Variants in MAD1L1 observed in about 807,000 individuals in gnomAD.
The protein encoded by MAD1L1 is mitotic spindle assembly checkpoint protein MAD1.
MAD1L1 carries 95 observed loss-of-function variants against 96.9 expected under a neutral mutation model. The observed-to-expected ratio is 0.98, with a 90% CI of 0.83 to 1.16. MAD1L1 has a LOEUF of 1.16. MAD1L1 is among the 50% of genes most tolerant of loss of function. The pLI is 0.00. For synonymous variants in MAD1L1, 473 were observed against 396.6 expected (o/e 1.19, Z -2.29); for missense variants, 1,007 against 954.4 (o/e 1.06, Z -0.73).
intron 18 of MAD1L1, among the ~76,000 whole-genome samples, chr7:1,854,179 A>C (rs1784123168): frequency 6.6e-6 from 1 of 151,922 alleles, no homozygotes; most frequent in African/African-American, 2.4e-5. Context: ...CAGGCTCTTT[A>C]CATTCTCTGA....
At chr7:2,060,291 C>T (rs572419301) in intron 12 of MAD1L1, among the ~76,000 whole-genome samples, 5 of 148,020 alleles carry the variant, frequency 3.4e-5, no homozygotes, top group Non-Finnish European at 7.5e-5. Context: ...ACGCCGATCC[C>T]GAGATACGCC....
intron 18 of MAD1L1, among the ~76,000 whole-genome samples, chr7:1,844,701 T>C (rs1231916854): frequency 6.6e-6 from 1 of 152,164 alleles, no homozygotes; most frequent in Non-Finnish European, 1.5e-5. Context: ...CAGGACATCC[T>C]GCTGTGGCTT....
chr7:2,229,516 T>G (rs1038683936), intron 3 of MAD1L1, among the ~76,000 whole-genome samples: 8 of 152,350 alleles, frequency 5.3e-5, no homozygotes, highest in Admixed American at 2.6e-4. Flanking sequence ...TAAATGGCCC[T>G]CCACAGTCTG....
At chr7:2,153,890 G>A (rs1249269176) in intron 10 of MAD1L1, among the ~76,000 whole-genome samples, 1 of 152,238 alleles carries the variant, frequency 6.6e-6, no homozygotes, top group Non-Finnish European at 1.5e-5. Flanking sequence ...GAGCGCGGTG[G>A]CTCACGCCTG....
At chr7:2,153,167 A>G (rs1249470632) in intron 10 of MAD1L1, among the ~76,000 whole-genome samples, 2 of 152,220 alleles carry the variant, frequency 1.3e-5, no homozygotes, top group East Asian at 3.8e-4. Context: ...ACAGGCAACA[A>G]AAACAAAAAT....
At chr7:2,137,272 C>T (rs1415231651) in intron 11 of MAD1L1, among the ~76,000 whole-genome samples, 1 of 152,188 alleles carries the variant, frequency 6.6e-6, no homozygotes, top group African/African-American at 2.4e-5. Context: ...GTGTTTTCTC[C>T]AAATGTTTGA....
intron 14 of MAD1L1, among the ~76,000 whole-genome samples, chr7:1,987,646 C>T (rs903126492): frequency 6.6e-6 from 1 of 152,226 alleles, no homozygotes; most frequent in African/African-American, 2.4e-5. Context: ...CTGCAGTGCC[C>T]TCGCCCAGCC....
chr7:2,073,778 ACC>A (rs1177960951), intron 11 of MAD1L1, among the ~76,000 whole-genome samples: 1 of 152,326 alleles, frequency 6.6e-6, no homozygotes, highest in East Asian at 1.9e-4. Flanking sequence ...TGTGAAGCAA[ACC>A]TCTCCTTCCT....
intron 16 of MAD1L1, among the ~76,000 whole-genome samples, chr7:1,954,989 G>C (rs1454760803): frequency 6.6e-6 from 1 of 152,192 alleles, no homozygotes; most frequent in African/African-American, 2.4e-5. Context: ...GCAGGGCCCA[G>C]TGACGGCCCT....
chr7:2,197,563 C>T (rs3800929), intron 10 of MAD1L1, among the ~76,000 whole-genome samples: 1 of 152,032 alleles, frequency 6.6e-6, no homozygotes, highest in Non-Finnish European at 1.5e-5. Flanking sequence ...GGCCCAAGCT[C>T]GGACACAGGC....
At chr7:1,880,031 G>A (rs538828279) in intron 18 of MAD1L1, among the ~76,000 whole-genome samples, 1 of 152,182 alleles carries the variant, frequency 6.6e-6, no homozygotes, top group East Asian at 1.9e-4. Context: ...CGCCTGGCCG[G>A]CAAACTGATT....
chr7:2,221,387 C>T (rs1793599717), intron 5 of MAD1L1, among the ~76,000 whole-genome samples: 1 of 152,184 alleles, frequency 6.6e-6, no homozygotes, highest in Admixed American at 6.5e-5. Flanking sequence ...GCCAACGTTC[C>T]CTCCAGAAGC....
intron 10 of MAD1L1, among the ~76,000 whole-genome samples, chr7:2,180,102 G>A (rs1791129761): frequency 6.6e-6 from 1 of 152,214 alleles, no homozygotes; most frequent in Admixed American, 6.5e-5. Flanking sequence ...CTGAGTGACA[G>A]CAGTGGCAAA....
intron 12 of MAD1L1, among the ~76,000 whole-genome samples, chr7:2,065,760 T>TC (rs1784850805): frequency 6.6e-6 from 1 of 151,494 alleles, no homozygotes; most frequent in African/African-American, 2.4e-5. Context: ...CGTCAACTGC[T>TC]CCCCCCAAGC....
intron 10 of MAD1L1, among the ~76,000 whole-genome samples, chr7:2,188,972 C>T (rs1261500734): frequency 2.0e-5 from 3 of 152,070 alleles, no homozygotes; most frequent in African/African-American, 7.2e-5. Flanking sequence ...AAGGGAACTC[C>T]TAAAACAACA....
chr7:2,159,845 T>C (rs990950735), intron 10 of MAD1L1, among the ~76,000 whole-genome samples: 5 of 152,194 alleles, frequency 3.3e-5, no homozygotes, highest in African/African-American at 9.7e-5. Flanking sequence ...CAGTGCTAAA[T>C]ACAGACACAA....
chr7:1,879,184 TTC>T (rs1464421566), intron 18 of MAD1L1, among the ~76,000 whole-genome samples: 2 of 152,152 alleles, frequency 1.3e-5, no homozygotes, highest in Non-Finnish European at 2.9e-5. Context: ...AGAATGTCAG[TTC>T]TTCCCGGCCG....
chr7:1,848,061 C>G lies in MAD1L1; in HGVS notation c.1999-31833G>C, dbSNP rs115516294. On this transcript the variant is annotated intron_variant, in intron 18 of 18. Transcript: ENST00000265854. The stretch of plus-strand genomic sequence containing the variant: ...AGTCCCAGCGTGGGATGTGGTGGGA[C>G]GGGGCTGGGGTGTGCAGAGACGATG... 1,014 of 333,550 alleles carry G rather than the reference C, an allele frequency of 3.0e-3. 7 individuals are homozygous for G. Among genetic ancestry groups the G allele is most frequent in the African/African-American group, 0.011 (488 of 46,446 alleles). The allele number at this position is 333,550 out of a possible 1,614,324, so 20.7% of individuals were successfully genotyped here. A position where few individuals can be genotyped will look rare whatever the true frequency, so the allele number is the denominator to read the frequency against.
chr7:1,868,602 A>G (rs1451952605), intron 18 of MAD1L1, among the ~76,000 whole-genome samples: 1 of 151,832 alleles, frequency 6.6e-6, no homozygotes, highest in Non-Finnish European at 1.5e-5. Flanking sequence ...TTAGGCTTGG[A>G]TTTCTCCAGC....
Sources: allele counts gnomAD v4.1 joint callset (sites outside exome capture counted in the v4.1 genomes callset), GRCh38; gene constraint gnomAD v4.1.1; transcripts MANE v1.5; gene names NCBI Gene and HGNC (gene_info 2026-07-23, HGNC 2026-07-21).